Variants in EHMT1 observed in about 807,000 individuals in gnomAD.
EHMT1 encodes histone-lysine N-methyltransferase EHMT1.
A neutral mutation model predicts 147.2 loss-of-function variants in EHMT1; 15 were observed. That is an observed-to-expected ratio of 0.10 (90% CI 0.07 to 0.16). EHMT1 has a LOEUF of 0.16. Ranked by LOEUF, EHMT1 falls within the 10% of genes least tolerant of loss-of-function variation. The pLI, the probability that EHMT1 is intolerant of heterozygous loss-of-function variation, is 1.00. For synonymous variants in EHMT1, 795 were observed against 709.6 expected, an observed-to-expected ratio of 1.12 and a Z score of -1.91; for missense variants, 1,587 against 1,772.4, an observed-to-expected ratio of 0.90 and a Z score of 1.88.
At chr9:137,798,750 T>C in intron 16 of EHMT1, 63 bp from the exon 17 acceptor site, 1 of 1,380,694 alleles carries the variant, frequency 7.2e-7, no homozygotes, top group Non-Finnish European at 1.0e-6. Flanking sequence ...GATCCCGCAC[T>C]CAGGGCTGGC....
chr9:137,766,516 G>GTCCC lies in EHMT1; in HGVS notation c.1647+3696_1647+3697insTCCC, dbSNP rs1244022738. On this transcript the variant is annotated intron_variant, in intron 10 of 26. Coordinates refer to ENST00000460843, the MANE Select transcript of EHMT1 (RefSeq NM_024757.5). Reference sequence around the variant, plus strand: ...TGTAGTCCCAGCTACTTGGGAGGCTGAGGCAGGAGAATTGCTTGAGCCTGG... The same window carrying GTCCC: ...TGTAGTCCCAGCTACTTGGGAGGCTGTCCCAGGCAGGAGAATTGCTTGAGCCTGG... Among the ~76,000 whole-genome samples, 7 of 152,326 alleles carry GTCCC rather than the reference G, an allele frequency of 4.6e-5. No individual in the cohort carries two copies. The East Asian group carries it at 1.4e-3, about 29-fold the overall frequency.
At chr9:137,818,245 CA>C (rs1955086161) in intron 25 of EHMT1, 107 bp downstream of exon 25, 1 of 1,265,306 alleles carries the variant, frequency 7.9e-7, no homozygotes, top group African/African-American at 1.5e-5. Flanking sequence ...TTACTGTTGA[CA>C]AGAGTGGGCT....
chr9:137,744,463 C>G (rs897538820), intron 6 of EHMT1, among the ~76,000 whole-genome samples: 11 of 152,144 alleles, frequency 7.2e-5, no homozygotes, highest in African/African-American at 2.7e-4. Flanking sequence ...GGACCACAGG[C>G]TCACGCCACC....
Position 137,775,373 on chromosome 9 carries a change from T to A in EHMT1, c.1791+121T>A. 1 of 1,445,624 alleles carries A rather than the reference T, an allele frequency of 6.9e-7. No individual in the cohort carries two copies. Among genetic ancestry groups the A allele is most frequent in the Non-Finnish European group, 9.4e-7 (1 of 1,068,708 alleles). 89.5% of individuals were successfully genotyped at this position (1,445,624 alleles called of 1,614,324 possible). Reference sequence around the variant, plus strand: ...GGTCCAGCAGCTGGCCCAGGTCTGGTGTCCGTCTGGAGGTCTCCAGTGTTC... The same window carrying A: ...GGTCCAGCAGCTGGCCCAGGTCTGGAGTCCGTCTGGAGGTCTCCAGTGTTC... On this transcript the variant is annotated intron_variant, in intron 11 of 26. Transcript: ENST00000460843. The surrounding 1 kb of genome is among the most constrained non-coding windows in gnomAD (Gnocchi z 6.1).
chr9:137,803,962 CAA>C (rs1953717646), intron 18 of EHMT1, among the ~76,000 whole-genome samples: 1 of 151,904 alleles, frequency 6.6e-6, no homozygotes, highest in Non-Finnish European at 1.5e-5. Context: ...AATTTATAAA[CAA>C]AAGAGGTTTA....
chr9:137,791,880 C>T (rs1952552772), intron 16 of EHMT1, among the ~76,000 whole-genome samples: 1 of 152,112 alleles, frequency 6.6e-6, no homozygotes, highest in Non-Finnish European at 1.5e-5. Context: ...TACAGGCACG[C>T]ACCACCATGC....
rs1371128965 is a variant in EHMT1, at chr9:137,716,618, G to A, written c.86-8G>A. 2 of 1,547,228 alleles carry A rather than the reference G, an allele frequency of 1.3e-6. No homozygotes were observed. Among genetic ancestry groups the A allele is most frequent in the African/African-American group, 2.7e-5 (2 of 72,864 alleles). ...TGCAGTCAGTGACACTCGTTTCTTTGTTGGCAGAGACACCTATGGCTGCCG... is the reference window on the plus strand; with the variant it reads ...TGCAGTCAGTGACACTCGTTTCTTTATTGGCAGAGACACCTATGGCTGCCG... On this transcript the variant is annotated splice_polypyrimidine_tract_variant and splice_region_variant and intron_variant, in intron 2 of 26. Transcript: ENST00000460843.
chr9:137,641,542 G>A (rs1038105553), intron 1 of EHMT1: 3 of 333,288 alleles, frequency 9.0e-6, no homozygotes, highest in Non-Finnish European at 1.2e-5. Flanking sequence ...ATTCTCATCT[G>A]CCCTGAAGAA....
chr9:137,752,700 G>C (rs569409914), intron 7 of EHMT1, among the ~76,000 whole-genome samples: 18 of 152,218 alleles, frequency 1.2e-4, no homozygotes, highest in Non-Finnish European at 2.2e-4. Context: ...AGAGGGTGTG[G>C]TGGGAGCCGG....
chr9:137,704,111 C>G (rs746721247), intron 1 of EHMT1, among the ~76,000 whole-genome samples: 1 of 152,142 alleles, frequency 6.6e-6, no homozygotes, highest in South Asian at 2.1e-4. Flanking sequence ...TGAGATATAT[C>G]ACGAAAACAG....
chr9:137,790,856 T>C lies in EHMT1; in HGVS notation c.2391T>C (p.Ala797=). 6.2e-7 allele frequency: 1 copy of C among 1,614,086 alleles called. No individual in the cohort carries two copies. The highest frequency in any genetic ancestry group is 2.2e-5 in the East Asian group (1 of 44,888). The change falls in exon 16 of 27, where the codon GCT becomes GCC. Residue 797 remains alanine, a synonymous_variant. Transcript: ENST00000460843. ...DICHMLVQAG[A]NIDTCSEDQR... ...AACTGTTGTTTCACTAGGCGGGCGC[T>C]AATATTGACACCTGCTCAGAAGACC...
chr9:137,749,567 T>C (rs1014041893), intron 6 of EHMT1, among the ~76,000 whole-genome samples: 3 of 152,210 alleles, frequency 2.0e-5, no homozygotes, highest in East Asian at 1.9e-4. Flanking sequence ...CCCAAAGTGC[T>C]GGGATTCTAG....
chr9:137,722,457 T>C (rs1476449246), intron 3 of EHMT1, among the ~76,000 whole-genome samples: 2 of 152,256 alleles, frequency 1.3e-5, no homozygotes, highest in Non-Finnish European at 2.9e-5. Context: ...CTGAAGACTC[T>C]CCACTGCCTC....
At chr9:137,630,335 G>C (rs1308403758) in intron 1 of EHMT1, among the ~76,000 whole-genome samples, 3 of 152,212 alleles carry the variant, frequency 2.0e-5, no homozygotes. Context: ...AAGTAAACAA[G>C]AAGAGGCTGC....
chr9:137,814,260 A>C, intron 21 of EHMT1, 171 bp from the exon 22 acceptor site: 1 of 726,038 alleles, frequency 1.4e-6, no homozygotes, highest in Non-Finnish European at 2.4e-6. Context: ...GGCACTCGAC[A>C]TGTTTCTGCC....
intron 1 of EHMT1, chr9:137,641,535 C>G: frequency 2.8e-6 from 1 of 356,724 alleles, no homozygotes; most frequent in South Asian, 2.3e-5. Flanking sequence ...GGAATCAATT[C>G]TCATCTGCCC....
chr9:137,785,141 G>A, intron 15 of EHMT1: 1 of 153,940 alleles, frequency 6.5e-6, no homozygotes, highest in South Asian at 2.0e-4. Context: ...GTGTTGTGGG[G>A]CTCGAGAGCA....
At chr9:137,690,609 G>A (rs879260726) in intron 1 of EHMT1, among the ~76,000 whole-genome samples, 2 of 151,474 alleles carry the variant, frequency 1.3e-5, no homozygotes, top group African/African-American at 4.9e-5. Context: ...TTGCTGTGTC[G>A]CCCAGGCTGG....
chr9:137,718,149 C>A (rs986166960), intron 3 of EHMT1, among the ~76,000 whole-genome samples: 1 of 149,938 alleles, frequency 6.7e-6, no homozygotes, highest in Non-Finnish European at 1.5e-5. Context: ...CTGCCCCTCA[C>A]ACGCACCGTG....
Sources: allele counts gnomAD v4.1 joint callset (sites outside exome capture counted in the v4.1 genomes callset), GRCh38; gene constraint gnomAD v4.1.1; non-coding constraint Gnocchi (gnomAD v3.1); transcripts MANE v1.5; gene names NCBI Gene and HGNC (gene_info 2026-07-23, HGNC 2026-07-21).